MLLT3: variants seen among roughly 807,000 people sequenced by gnomAD.
MLLT3 encodes protein AF-9.
MLLT3 carries 4 observed loss-of-function variants against 53.2 expected under a neutral mutation model. The observed-to-expected ratio is 0.08, with a 90% CI of 0.04 to 0.17. The LOEUF (loss-of-function observed/expected upper bound fraction) is 0.17. Ranked by LOEUF, MLLT3 falls within the 10% of genes least tolerant of loss-of-function variation. MLLT3 has a pLI of 1.00. For synonymous variants in MLLT3, 283 were observed against 230.6 expected (o/e 1.23, Z -2.06); for missense variants, 569 against 684.0 (o/e 0.83, Z 1.87).
intron 2 of MLLT3, among the ~76,000 whole-genome samples, chr9:20,547,211 T>C (rs75037630): frequency 6.6e-6 from 1 of 152,068 alleles, no homozygotes; most frequent in Non-Finnish European, 1.5e-5. Flanking sequence ...CTTTTTTTTT[T>C]CCTGTAGAGA....
At chr9:20,365,452 C>G (rs1587159527) in intron 6 of MLLT3, among the ~76,000 whole-genome samples, 1 of 152,320 alleles carries the variant, frequency 6.6e-6, no homozygotes, top group East Asian at 1.9e-4. Flanking sequence ...ATTCTCCTGT[C>G]TCAGCCCCCC....
chr9:20,509,274 C>CT (rs924517488), intron 2 of MLLT3, among the ~76,000 whole-genome samples: 6 of 151,842 alleles, frequency 4.0e-5, no homozygotes, highest in Non-Finnish European at 8.8e-5. Flanking sequence ...TGGTGGATTC[C>CT]TTTTTTTTAA....
chr9:20,356,826 G>A (rs910591324), intron 8 of MLLT3, among the ~76,000 whole-genome samples: 4 of 152,218 alleles, frequency 2.6e-5, no homozygotes, highest in African/African-American at 4.8e-5. Context: ...CAGCACAGAA[G>A]GCCAAAATAC....
chr9:20,507,369 C>A (rs560198856), intron 2 of MLLT3, among the ~76,000 whole-genome samples: 2 of 152,184 alleles, frequency 1.3e-5, no homozygotes, highest in East Asian at 3.9e-4. Flanking sequence ...ATTTCTGAAG[C>A]CTAAAATTGC....
intron 2 of MLLT3, among the ~76,000 whole-genome samples, chr9:20,530,377 T>C (rs1818300355): frequency 6.6e-6 from 1 of 152,216 alleles, no homozygotes; most frequent in African/African-American, 2.4e-5. Flanking sequence ...TTAACATACG[T>C]ATTTTATTCA....
At chr9:20,454,232 A>AGTGTGT (rs137999564) in intron 3 of MLLT3, among the ~76,000 whole-genome samples, 8 of 149,412 alleles carry the variant, frequency 5.4e-5, no homozygotes, top group African/African-American at 1.5e-4. Flanking sequence ...AGAAGACTGA[A>AGTGTGT]GTGTGTGTGT....
chr9:20,470,047 AT>A (rs1428028255), intron 2 of MLLT3, among the ~76,000 whole-genome samples: 1 of 152,020 alleles, frequency 6.6e-6, no homozygotes, highest in Non-Finnish European at 1.5e-5. Context: ...AAGAAAAGAA[AT>A]TTTATGAAGA....
intron 5 of MLLT3, among the ~76,000 whole-genome samples, chr9:20,377,215 T>C (rs1449309494): frequency 6.6e-6 from 1 of 152,196 alleles, no homozygotes; most frequent in Non-Finnish European, 1.5e-5. Flanking sequence ...CACCACTACT[T>C]GTCAGTTTAC....
chr9:20,404,433 C>T (rs1207801291), intron 5 of MLLT3, among the ~76,000 whole-genome samples: 1 of 152,196 alleles, frequency 6.6e-6, no homozygotes, highest in East Asian at 1.9e-4. Context: ...CAATTTGCAT[C>T]TATAATAAGG....
chr9:20,617,810 T>C (rs1820874120), intron 2 of MLLT3, among the ~76,000 whole-genome samples: 1 of 152,214 alleles, frequency 6.6e-6, no homozygotes, highest in Non-Finnish European at 1.5e-5. Flanking sequence ...CCCATCTTTG[T>C]GACAGAGTAA....
intron 3 of MLLT3, among the ~76,000 whole-genome samples, chr9:20,454,586 A>C (rs2118857279): frequency 6.6e-6 from 1 of 152,344 alleles, no homozygotes; most frequent in Non-Finnish European, 1.5e-5. Flanking sequence ...AGAGATCATA[A>C]TTGCCTATTC....
chr9:20,374,212 C>T (rs1586900661), intron 5 of MLLT3, among the ~76,000 whole-genome samples: 1 of 152,088 alleles, frequency 6.6e-6, no homozygotes, highest in East Asian at 1.9e-4. Context: ...GTGAGATCCC[C>T]ATCTCTACAA....
chr9:20,417,703 T>C (rs77427608), intron 4 of MLLT3, among the ~76,000 whole-genome samples: 3,326 of 152,248 alleles, frequency 0.022, 116 homozygotes, highest in African/African-American at 0.075. Context: ...GGATACAATA[T>C]TTTCTCTCAT....
intron 3 of MLLT3, among the ~76,000 whole-genome samples, chr9:20,449,103 C>G (rs1483687000): frequency 6.6e-6 from 1 of 152,184 alleles, no homozygotes; most frequent in African/African-American, 2.4e-5. Context: ...CCCCTTAACT[C>G]CCGACTCCCC....
At chr9:20,417,828 GA>G (rs1435617332) in intron 4 of MLLT3, among the ~76,000 whole-genome samples, 1 of 152,016 alleles carries the variant, frequency 6.6e-6, no homozygotes, top group Admixed American at 6.6e-5. Flanking sequence ...GAGGACTTAA[GA>G]AAAAAATCAG....
intron 2 of MLLT3, among the ~76,000 whole-genome samples, chr9:20,584,422 C>T (rs1333887751): frequency 6.6e-6 from 1 of 152,176 alleles, no homozygotes; most frequent in Non-Finnish European, 1.5e-5. Flanking sequence ...AGCAAAGCCC[C>T]ACTCTACTGG....
At chr9:20,421,094 T>C (rs1822996857) in intron 4 of MLLT3, among the ~76,000 whole-genome samples, 1 of 151,834 alleles carries the variant, frequency 6.6e-6, no homozygotes, top group Non-Finnish European at 1.5e-5. Context: ...TGAAACCCTG[T>C]CTCTACTAAA....
chr9:20,349,548 GT>G (rs1820959615), intron 10 of MLLT3, among the ~76,000 whole-genome samples: 3 of 151,164 alleles, frequency 2.0e-5, no homozygotes. Flanking sequence ...AAAAAAAATT[GT>G]AACTCATTCT....
chr9:20,407,605 T>A (rs2118760595), intron 5 of MLLT3, among the ~76,000 whole-genome samples: 1 of 152,310 alleles, frequency 6.6e-6, no homozygotes, highest in East Asian at 1.9e-4. Context: ...TTAGTATGAA[T>A]CCAAGGAAGA....
Sources: allele counts gnomAD v4.1 joint callset (sites outside exome capture counted in the v4.1 genomes callset), GRCh38; gene constraint gnomAD v4.1.1; transcripts MANE v1.5; gene names NCBI Gene and HGNC (gene_info 2026-07-23, HGNC 2026-07-21).